The following DLC1 variants were observed in gnomAD, a reference collection of about 807,000 sequenced individuals.
DLC1 encodes the protein DLC1 Rho GTPase activating protein.
DLC1 carries 54 observed loss-of-function variants against 140.3 expected under a neutral mutation model. That is an observed-to-expected ratio of 0.38 (90% CI 0.31 to 0.48). The LOEUF (loss-of-function observed/expected upper bound fraction) is 0.48, where lower values mean the gene tolerates loss of function less well. Ranked by LOEUF, DLC1 falls within the 20% of genes least tolerant of loss-of-function variation. DLC1 has a pLI of 0.96. For synonymous variants in DLC1, 986 were observed against 728.1 expected (o/e 1.35, Z -5.70); for missense variants, 2,536 against 1,907.0 (o/e 1.33, Z -6.14).
intron 4 of DLC1, among the ~76,000 whole-genome samples, chr8:13,306,579 TGTGTGAGAGAGA>T (rs1376371617): frequency 6.7e-6 from 1 of 149,732 alleles, no homozygotes; most frequent in South Asian, 2.1e-4. Flanking sequence ...TGTGTGTGTG[TGTGTGAGAGAGA>T]GAGAGAGAGA....
chr8:13,197,383 C>G (rs569396407), intron 5 of DLC1, among the ~76,000 whole-genome samples: 1 of 151,898 alleles, frequency 6.6e-6, no homozygotes, highest in East Asian at 1.9e-4. Context: ...GAGTCTTGCT[C>G]TGTCGCCCAG....
intron 2 of DLC1, among the ~76,000 whole-genome samples, chr8:13,427,509 G>A (rs1432291553): frequency 2.0e-5 from 3 of 152,094 alleles, no homozygotes; most frequent in Admixed American, 2.0e-4. Flanking sequence ...AGCATCCCTG[G>A]ATCTGTTTCT....
At chr8:13,278,874 GTAT>G (rs1321508884) in intron 5 of DLC1, among the ~76,000 whole-genome samples, 4 of 152,122 alleles carry the variant, frequency 2.6e-5, no homozygotes, top group African/African-American at 9.7e-5. Context: ...TCATGTATAG[GTAT>G]TATTATCACT....
At chr8:13,408,919 T>A (rs928442965) in intron 2 of DLC1, among the ~76,000 whole-genome samples, 9 of 152,142 alleles carry the variant, frequency 5.9e-5, no homozygotes, top group African/African-American at 2.2e-4. Context: ...CCATAAATTG[T>A]TTTTAGGAAT....
chr8:13,521,313 G>A (rs71522349), intron 1 of DLC1, among the ~76,000 whole-genome samples: 1 of 151,884 alleles, frequency 6.6e-6, no homozygotes, highest in Non-Finnish European at 1.5e-5. Context: ...TTAATACCTA[G>A]GTTATGGGTA....
At chr8:13,176,082 C>G (rs1207417366) in intron 5 of DLC1, among the ~76,000 whole-genome samples, 2 of 152,168 alleles carry the variant, frequency 1.3e-5, no homozygotes, top group African/African-American at 4.8e-5. Flanking sequence ...TAGGATCATG[C>G]TTTGCTTTTC....
intron 2 of DLC1, among the ~76,000 whole-genome samples, chr8:13,464,337 G>A (rs912697961): frequency 1.4e-4 from 21 of 152,080 alleles, no homozygotes; most frequent in African/African-American, 5.1e-4. Flanking sequence ...GTGTTAGTTA[G>A]AATTATAAGT....
chr8:13,596,441 C>G (rs1270155852), intron 1 of DLC1, among the ~76,000 whole-genome samples: 1 of 151,908 alleles, frequency 6.6e-6, no homozygotes, highest in African/African-American at 2.4e-5. Context: ...TGGAACTTTT[C>G]CAATCCTGTT....
At chr8:13,125,782 T>C (rs144012945) in intron 5 of DLC1, among the ~76,000 whole-genome samples, 1 of 151,928 alleles carries the variant, frequency 6.6e-6, no homozygotes, top group African/African-American at 2.4e-5. Context: ...GAGACATACA[T>C]ATACAGCTTT....
chr8:13,210,769 G>C (rs1827898137), intron 5 of DLC1, among the ~76,000 whole-genome samples: 1 of 152,232 alleles, frequency 6.6e-6, no homozygotes, highest in African/African-American at 2.4e-5. Flanking sequence ...GACATCTTTT[G>C]AGGAAAATGA....
At chr8:13,297,829 A>G (rs1832025645) in intron 5 of DLC1, among the ~76,000 whole-genome samples, 2 of 152,188 alleles carry the variant, frequency 1.3e-5, no homozygotes, top group African/African-American at 4.8e-5. Flanking sequence ...AGCAATGATG[A>G]TCAGACTGGG....
At chr8:13,469,336 G>C (rs571830001) in intron 2 of DLC1, among the ~76,000 whole-genome samples, 1 of 152,074 alleles carries the variant, frequency 6.6e-6, no homozygotes, top group Non-Finnish European at 1.5e-5. Context: ...TTTCACATTA[G>C]TGACTGTTCC....
intron 12 of DLC1, among the ~76,000 whole-genome samples, chr8:13,094,191 A>G (rs1294795830): frequency 2.0e-5 from 3 of 152,216 alleles, no homozygotes; most frequent in Non-Finnish European, 4.4e-5. Context: ...GAAACTAATG[A>G]AAGTCTAACT....
intron 4 of DLC1, among the ~76,000 whole-genome samples, chr8:13,348,694 T>C (rs1834489328): frequency 6.6e-6 from 1 of 151,876 alleles, no homozygotes; most frequent in Admixed American, 6.6e-5. Context: ...CAAAACACAT[T>C]ATAGTGAAGA....
At chr8:13,530,904 A>G (rs1431587790) in intron 1 of DLC1, among the ~76,000 whole-genome samples, 2 of 152,202 alleles carry the variant, frequency 1.3e-5, no homozygotes, top group Non-Finnish European at 2.9e-5. Context: ...TATGAGCTAA[A>G]TTGTGTTCCC....
chr8:13,454,032 C>T (rs185808761), intron 2 of DLC1, among the ~76,000 whole-genome samples: 10 of 152,058 alleles, frequency 6.6e-5, no homozygotes, highest in Admixed American at 1.3e-4. Context: ...TGGCAAAATT[C>T]GCATGTTTTA....
At chr8:13,435,672 T>C (rs528800797) in intron 2 of DLC1, among the ~76,000 whole-genome samples, 4 of 152,224 alleles carry the variant, frequency 2.6e-5, no homozygotes. Flanking sequence ...CATCTACTCC[T>C]GATGAAGATA....
At chr8:13,095,518 C>A (rs1045112292) in intron 10 of DLC1, 3 of 426,726 alleles carry the variant, frequency 7.0e-6, no homozygotes, top group Non-Finnish European at 1.3e-5. Flanking sequence ...CTGGACAGTG[C>A]TGTTCTAGAT....
intron 5 of DLC1, among the ~76,000 whole-genome samples, chr8:13,301,637 G>A (rs911363045): frequency 7.9e-5 from 12 of 152,180 alleles, no homozygotes; most frequent in Non-Finnish European, 1.8e-4. Flanking sequence ...CCAATGGGAC[G>A]GGTTCACTCT....
Sources: allele counts gnomAD v4.1 joint callset (sites outside exome capture counted in the v4.1 genomes callset), GRCh38; gene constraint gnomAD v4.1.1; transcripts MANE v1.5; gene names NCBI Gene and HGNC (gene_info 2026-07-23, HGNC 2026-07-21).